The following ZFAT variants were observed in gnomAD, a reference collection of about 807,000 sequenced individuals.
ZFAT encodes zinc finger and AT-hook domain containing.
Under a neutral mutation model 117.7 loss-of-function variants are expected in ZFAT, and 64 were observed. That is an observed-to-expected ratio of 0.54 (90% CI 0.44 to 0.67). The LOEUF is 0.67. Ranked by LOEUF, ZFAT falls within the 30% of genes least tolerant of loss-of-function variation. The pLI is 0.00. For synonymous variants in ZFAT, 679 were observed against 615.0 expected (o/e 1.10, Z -1.54); for missense variants, 1,433 against 1,584.5 (o/e 0.90, Z 1.62).
chr8:134,685,974 G>A (rs543240734), intron 1 of ZFAT, among the ~76,000 whole-genome samples: 91 of 152,230 alleles, frequency 6.0e-4, no homozygotes, highest in African/African-American at 2.1e-3. Flanking sequence ...ACAGCAGGTG[G>A]GCACACAGCA....
chr8:134,811,653 T>C, the ZFAT span, among the ~76,000 whole-genome samples: 2 of 152,194 alleles, frequency 1.3e-5, no homozygotes, highest in Non-Finnish European at 2.9e-5. Flanking sequence ...TATAATTCTA[T>C]TAATGTTTTG....
At chr8:134,487,140 A>G (rs4391381) in intron 15 of ZFAT, among the ~76,000 whole-genome samples, 29,600 of 152,124 alleles carry the variant, frequency 0.19, 3,190 homozygotes, top group African/African-American at 0.29. Flanking sequence ...ACATGTACGC[A>G]GGTATGGGCA....
At chr8:134,584,436 G>A (rs1357277507) in intron 9 of ZFAT, among the ~76,000 whole-genome samples, 4 of 152,224 alleles carry the variant, frequency 2.6e-5, no homozygotes, top group Non-Finnish European at 4.4e-5. Flanking sequence ...CTGCAGAGCA[G>A]ACAGTCACTA....
Position 134,668,017 on chromosome 8 carries a change from G to A in ZFAT, c.20-10280C>T, listed in dbSNP as rs202118031. ...ACAGAGCCTCACTCATTGCTAGCACGGCAGTCTGAGATCGAACTGCAAGGC... is the reference window on the plus strand; with the variant it reads ...ACAGAGCCTCACTCATTGCTAGCACAGCAGTCTGAGATCGAACTGCAAGGC... On this transcript the variant is annotated intron_variant, in intron 1 of 15. Transcript: ENST00000377838. Among the ~76,000 whole-genome samples the A allele has an allele frequency of 1.2e-4, 18 of 152,188 alleles. No homozygotes were observed. The East Asian group carries it at 2.7e-3, about 23-fold the overall frequency.
intron 2 of ZFAT, among the ~76,000 whole-genome samples, chr8:134,644,687 C>T (rs778144696): frequency 1.3e-5 from 2 of 151,980 alleles, no homozygotes; most frequent in South Asian, 2.1e-4. Context: ...ACCACACACA[C>T]GTGCACTTAC....
chr8:134,510,552 T>C (rs911793203), intron 14 of ZFAT: 9 of 179,220 alleles, frequency 5.0e-5, no homozygotes, highest in South Asian at 1.3e-4. Flanking sequence ...ATGCAGAAGG[T>C]AGGACAAGCC....
intron 3 of ZFAT, among the ~76,000 whole-genome samples, chr8:134,629,288 T>C (rs1829726979): frequency 6.6e-6 from 1 of 152,006 alleles, no homozygotes. Flanking sequence ...AACTGAAACA[T>C]GGGCAAGGAA....
chr8:134,773,984 A>ATTTTTTT, the ZFAT span, among the ~76,000 whole-genome samples: 801 of 103,212 alleles, frequency 7.8e-3, 30 homozygotes, highest in African/African-American at 0.03. Flanking sequence ...TTGAGGATTA[A>ATTTTTTT]TTTTTTTTTT....
the ZFAT span, among the ~76,000 whole-genome samples, chr8:134,742,616 C>A: frequency 6.6e-6 from 1 of 152,236 alleles, no homozygotes; most frequent in Non-Finnish European, 1.5e-5. Context: ...ATCCGCCCAG[C>A]CCCTCGGCTC....
At chr8:134,754,798 G>A in the ZFAT span, among the ~76,000 whole-genome samples, 2 of 152,164 alleles carry the variant, frequency 1.3e-5, no homozygotes, top group East Asian at 3.9e-4. Flanking sequence ...GGTCAGGAAG[G>A]ATGTGGGACC....
At chr8:134,743,145 A>G in the ZFAT span, among the ~76,000 whole-genome samples, 1 of 152,246 alleles carries the variant, frequency 6.6e-6, no homozygotes, top group African/African-American at 2.4e-5. Flanking sequence ...ATCACGATTG[A>G]CTGCAAAGCC....
chr8:134,685,762 A>T lies in ZFAT; in HGVS notation c.19+27083T>A, dbSNP rs533839008. 4.5e-4 allele frequency among the ~76,000 whole-genome samples: 69 copies of T among 152,104 alleles called. 1 individual carries two copies. The South Asian group carries it at 0.014, about 31-fold the overall frequency. The stretch of plus-strand genomic sequence containing the variant: ...AGGGCGACATATACGTGCTAACATC[A>T]CCCTCCAGTGGCCCACCAGGGCACT... On this transcript the variant is annotated intron_variant, in intron 1 of 15. Transcript: ENST00000377838.
intron 11 of ZFAT, among the ~76,000 whole-genome samples, chr8:134,543,211 C>CAGA (rs781277829): frequency 4.7e-5 from 7 of 148,488 alleles, no homozygotes; most frequent in Non-Finnish European, 1.0e-4. Context: ...AATTTCTGCA[C>CAGA]AGAAGACATG....
At chr8:134,714,036 A>AATTTT (rs1814148383), upstream of ZFAT, among the ~76,000 whole-genome samples, 3 of 24,664 alleles carry the variant, frequency 1.2e-4, no homozygotes, top group African/African-American at 5.5e-4. Context: ...AGTCATATAA[A>AATTTT]GTTTTTAAAT....
intron 1 of ZFAT, among the ~76,000 whole-genome samples, chr8:134,665,048 C>T (rs1832139854): frequency 6.6e-6 from 1 of 152,224 alleles, no homozygotes; most frequent in Admixed American, 6.5e-5. Flanking sequence ...TGTAAACATT[C>T]CCAGCCAAGA....
the ZFAT span, among the ~76,000 whole-genome samples, chr8:134,803,821 C>G: frequency 6.6e-6 from 1 of 152,168 alleles, no homozygotes; most frequent in East Asian, 1.9e-4. Flanking sequence ...TTTAATGTCT[C>G]TGACCTCAGA....
chr8:134,483,285 C>T (rs368966743), intron 15 of ZFAT, among the ~76,000 whole-genome samples: 39 of 152,140 alleles, frequency 2.6e-4, no homozygotes, highest in African/African-American at 9.2e-4. Context: ...CAAATGGGGA[C>T]ACTGAAGCTC....
chr8:134,746,931 A>G, the ZFAT span, among the ~76,000 whole-genome samples: 1 of 152,224 alleles, frequency 6.6e-6, no homozygotes, highest in South Asian at 2.1e-4. Context: ...CTTAAAATGG[A>G]GATGAGATTA....
the ZFAT span, among the ~76,000 whole-genome samples, chr8:134,726,620 G>T: frequency 6.6e-6 from 1 of 151,932 alleles, no homozygotes; most frequent in Non-Finnish European, 1.5e-5. Context: ...TTTGAGATGG[G>T]GTCTCACTCT....
Sources: allele counts gnomAD v4.1 joint callset (sites outside exome capture counted in the v4.1 genomes callset), GRCh38; gene constraint gnomAD v4.1.1; transcripts MANE v1.5; gene names NCBI Gene and HGNC (gene_info 2026-07-23, HGNC 2026-07-21).